The following GRM5 variants were observed in gnomAD, a reference collection of about 807,000 sequenced individuals.
The protein encoded by GRM5 is metabotropic glutamate receptor 5.
GRM5 carries 19 observed loss-of-function variants against 83.1 expected under a neutral mutation model. The observed-to-expected ratio is 0.23, with a 90% CI of 0.16 to 0.34. The LOEUF (loss-of-function observed/expected upper bound fraction) is 0.34. Among genes scored for constraint, GRM5 ranks in the 10% least tolerant of loss-of-function variants. The probability of loss-of-function intolerance (pLI) is 1.00; values close to 1 mark genes in which losing one functional copy is unlikely to be tolerated. For missense variants in GRM5, 1,160 were observed against 1,588.3 expected (o/e 0.73, Z 4.58); for synonymous variants, 675 against 633.6 (o/e 1.07, Z -0.98).
chr11:88,832,860 T>C (rs1203947912), intron 3 of GRM5, among the ~76,000 whole-genome samples: 2 of 152,026 alleles, frequency 1.3e-5, no homozygotes, highest in Admixed American at 6.6e-5. Context: ...GAATATTCAA[T>C]GAGGAAAGAA....
At chr11:88,645,487 T>G (rs1236898565) in intron 4 of GRM5, among the ~76,000 whole-genome samples, 2 of 152,002 alleles carry the variant, frequency 1.3e-5, no homozygotes, top group Non-Finnish European at 2.9e-5. Flanking sequence ...CATGAAATGG[T>G]GGGAACACAG....
intron 3 of GRM5, among the ~76,000 whole-genome samples, chr11:88,723,238 T>G (rs995340313): frequency 6.6e-6 from 1 of 152,050 alleles, no homozygotes; most frequent in Non-Finnish European, 1.5e-5. Context: ...CTGACTACTA[T>G]TCTATTGTAT....
chr11:88,935,584 C>A (rs1937864810), intron 2 of GRM5, among the ~76,000 whole-genome samples: 1 of 151,824 alleles, frequency 6.6e-6, no homozygotes. Context: ...GTGTAAACTT[C>A]CCCCATTAGG....
intron 7 of GRM5, among the ~76,000 whole-genome samples, chr11:88,573,088 T>A (rs1295848836): frequency 1.3e-5 from 2 of 152,182 alleles, no homozygotes; most frequent in African/African-American, 4.8e-5. Context: ...TCACTTTTAA[T>A]TTTTCTTCCC....
chr11:88,982,666 T>G (rs1939566642), intron 2 of GRM5, among the ~76,000 whole-genome samples: 1 of 152,208 alleles, frequency 6.6e-6, no homozygotes, highest in South Asian at 2.1e-4. Context: ...AAAGTATATC[T>G]TAAATTATAA....
Position 88,767,357 on chromosome 11 carries a change from A to G in GRM5, c.911+82549T>C, listed in dbSNP as rs531859685. 2.6e-5 allele frequency among the ~76,000 whole-genome samples: 4 copies of G among 152,112 alleles called. No individual in the cohort carries two copies. The South Asian group carries it at 6.2e-4, about 24-fold the overall frequency. On this transcript the variant is annotated intron_variant, in intron 3 of 9. Transcript: ENST00000305447. Reference sequence around the variant, plus strand: ...CTCAAAAGAATGTAAATTTTCTACCATAAAAACACATGTATGTGTATATTC... The same window carrying G: ...CTCAAAAGAATGTAAATTTTCTACCGTAAAAACACATGTATGTGTATATTC...
chr11:88,755,584 C>G (rs1462040147), intron 3 of GRM5, among the ~76,000 whole-genome samples: 1 of 152,092 alleles, frequency 6.6e-6, no homozygotes, highest in Non-Finnish European at 1.5e-5. Flanking sequence ...TCTATATCCA[C>G]CCCTGCTAAG....
intron 2 of GRM5, among the ~76,000 whole-genome samples, chr11:89,045,966 C>T (rs745485294): frequency 7.9e-5 from 12 of 152,148 alleles, no homozygotes; most frequent in Non-Finnish European, 1.8e-4. Context: ...ACCCCCATAA[C>T]CACAGAGGAG....
At chr11:88,570,571 A>ATATATATATATATTTTT (rs1405339448) in intron 7 of GRM5, among the ~76,000 whole-genome samples, 9 of 46,378 alleles carry the variant, frequency 1.9e-4, no homozygotes, top group African/African-American at 9.3e-4. Context: ...ATATATATAT[A>ATATATATATATATTTTT]TTTTTTTTTT....
intron 3 of GRM5, among the ~76,000 whole-genome samples, chr11:88,824,343 T>C (rs765575882): frequency 8.5e-5 from 13 of 152,222 alleles, no homozygotes; most frequent in Admixed American, 2.0e-4. Flanking sequence ...CAGAGCTAGA[T>C]TACATGGAAA....
chr11:88,885,656 C>G (rs922722983), intron 2 of GRM5, among the ~76,000 whole-genome samples: 1 of 151,442 alleles, frequency 6.6e-6, no homozygotes, highest in Non-Finnish European at 1.5e-5. Flanking sequence ...ACCAAAGAGG[C>G]AATATGCAGT....
At chr11:88,535,364 A>T (rs926465314) in intron 8 of GRM5, among the ~76,000 whole-genome samples, 1 of 152,296 alleles carries the variant, frequency 6.6e-6, no homozygotes, top group East Asian at 1.9e-4. Context: ...ACTGGAAAAC[A>T]TAGTCTCTTT....
At chr11:88,796,807 A>T (rs1012201214) in intron 3 of GRM5, among the ~76,000 whole-genome samples, 10 of 152,056 alleles carry the variant, frequency 6.6e-5, no homozygotes, top group South Asian at 2.1e-4. Flanking sequence ...ATCATGAAGC[A>T]ATATTGTTCT....
chr11:88,517,892 A>G (rs937994871), intron 9 of GRM5, among the ~76,000 whole-genome samples: 1 of 152,134 alleles, frequency 6.6e-6, no homozygotes, highest in Non-Finnish European at 1.5e-5. Context: ...AAAACTATAC[A>G]TTTGTACATA....
At chr11:89,027,392 C>A (rs1236795636) in intron 2 of GRM5, among the ~76,000 whole-genome samples, 3 of 152,160 alleles carry the variant, frequency 2.0e-5, no homozygotes, top group Non-Finnish European at 4.4e-5. Flanking sequence ...CTGCACCTGG[C>A]CGGCATTTTC....
chr11:88,835,234 T>G (rs1944072720), intron 3 of GRM5, among the ~76,000 whole-genome samples: 4 of 152,142 alleles, frequency 2.6e-5, no homozygotes, highest in Admixed American at 2.6e-4. Flanking sequence ...TACATAAACC[T>G]GAGTATATAG....
chr11:89,011,347 A>T (rs994272824), intron 2 of GRM5, among the ~76,000 whole-genome samples: 1 of 152,156 alleles, frequency 6.6e-6, no homozygotes, highest in Admixed American at 6.5e-5. Flanking sequence ...AACAATTTTA[A>T]AACAAATAGG....
chr11:88,692,018 C>A (rs527744053), intron 3 of GRM5, among the ~76,000 whole-genome samples: 16 of 152,318 alleles, frequency 1.1e-4, no homozygotes, highest in South Asian at 1.0e-3. Flanking sequence ...TGCTATACCT[C>A]TCTCCAGAGA....
chr11:88,590,701 A>G lies in GRM5; in HGVS notation c.1590T>C (p.Cys530=), dbSNP rs768785111. Residue 530 remains cysteine (C), a synonymous_variant, in exon 7 of 10, where the codon TGT becomes TGC. Transcript: ENST00000305447. Reference sequence around the variant, plus strand: ...CCTTACAAGGTGTACAGGTCCAACAACAGCTGACTTCTCCCTTTCGGATCA... The same window carrying G: ...CCTTACAAGGTGTACAGGTCCAACAGCAGCTGACTTCTCCCTTTCGGATCA... ...IKVIRKGEVS[C]CWTCTPCKEN... is the part of the protein sequence containing the mutation. 12 of 1,611,788 alleles carry G rather than the reference A, an allele frequency of 7.4e-6. No individual in the cohort carries two copies. The South Asian group carries it at 8.8e-5, about 12-fold the overall frequency.
Sources: allele counts gnomAD v4.1 joint callset (sites outside exome capture counted in the v4.1 genomes callset), GRCh38; gene constraint gnomAD v4.1.1; transcripts MANE v1.5; gene names NCBI Gene and HGNC (gene_info 2026-07-23, HGNC 2026-07-21).